FBXO16: variants seen among roughly 807,000 people sequenced by gnomAD.
FBXO16 encodes F-box only protein 16.
Under a neutral mutation model 41.0 loss-of-function variants are expected in FBXO16, and 31 were observed. The observed-to-expected ratio is 0.76, with a 90% CI of 0.57 to 1.02. FBXO16 has a LOEUF of 1.02. FBXO16 is among the 50% of genes least tolerant of loss of function. The probability of loss-of-function intolerance (pLI) is 0.00; values close to 1 mark genes in which losing one functional copy is unlikely to be tolerated. For missense variants in FBXO16, 361 were observed against 346.2 expected (o/e 1.04, Z -0.34); for synonymous variants, 133 against 117.8 (o/e 1.13, Z -0.84).
chr8:28,480,890 G>A (rs1389654116), intron 2 of FBXO16, among the ~76,000 whole-genome samples: 2 of 152,210 alleles, frequency 1.3e-5, no homozygotes, highest in Non-Finnish European at 2.9e-5. Context: ...CTTCATGCAT[G>A]GGAGTTGACT....
chr8:28,432,142 T>C (rs1288384698), intron 7 of FBXO16, among the ~76,000 whole-genome samples: 1 of 151,436 alleles, frequency 6.6e-6, no homozygotes, highest in East Asian at 1.9e-4. Context: ...TGTGTGTGTG[T>C]GTGTGTGTGT....
At chr8:28,483,590 G>A in intron 1 of FBXO16, 128 bp from the exon 2 acceptor site, 3 of 634,088 alleles carry the variant, frequency 4.7e-6, no homozygotes, top group Non-Finnish European at 5.5e-6. Context: ...AGGCTGAGGT[G>A]GGCGGATCAC....
intron 1 of FBXO16, among the ~76,000 whole-genome samples, chr8:28,483,951 T>G (rs1373811403): frequency 6.6e-6 from 1 of 152,232 alleles, no homozygotes; most frequent in African/African-American, 2.4e-5. Context: ...ATACATCTCC[T>G]CAATGGAAGT....
intron 7 of FBXO16, among the ~76,000 whole-genome samples, chr8:28,434,304 G>A (rs1362894760): frequency 6.6e-6 from 1 of 152,134 alleles, no homozygotes; most frequent in Non-Finnish European, 1.5e-5. Context: ...GTTATTTGCA[G>A]ACATCTGCAA....
At chr8:28,458,522 C>CT in intron 4 of FBXO16, among the ~76,000 whole-genome samples, 1 of 146,630 alleles carries the variant, frequency 6.8e-6, no homozygotes, top group Non-Finnish European at 1.5e-5. Context: ...ATTCTCATTC[C>CT]TTTTCTCCTC....
chr8:28,477,390 T>C (rs1803439891), intron 2 of FBXO16, among the ~76,000 whole-genome samples: 1 of 152,204 alleles, frequency 6.6e-6, no homozygotes, highest in South Asian at 2.1e-4. Flanking sequence ...GGCATCTATT[T>C]TTAATTCCTT....
At chr8:28,456,400 G>A (rs1275094653) in intron 5 of FBXO16, among the ~76,000 whole-genome samples, 2 of 152,134 alleles carry the variant, frequency 1.3e-5, no homozygotes, top group Non-Finnish European at 2.9e-5. Context: ...ATTTGAATTA[G>A]TAAAGTAAAA....
At chr8:28,489,854 T>C (rs1170314139) in intron 1 of FBXO16, among the ~76,000 whole-genome samples, 6 of 152,184 alleles carry the variant, frequency 3.9e-5, no homozygotes, top group African/African-American at 9.7e-5. Flanking sequence ...TACCCATACA[T>C]TGTAATATCA....
intron 7 of FBXO16, among the ~76,000 whole-genome samples, chr8:28,432,724 G>A (rs769360678): frequency 6.6e-6 from 1 of 152,040 alleles, no homozygotes; most frequent in South Asian, 2.1e-4. Flanking sequence ...TGGCCATGCC[G>A]TCCATCAGCA....
At chr8:28,473,502 C>T (rs568687666) in intron 3 of FBXO16, among the ~76,000 whole-genome samples, 56 of 152,282 alleles carry the variant, frequency 3.7e-4, no homozygotes, top group African/African-American at 1.3e-3. Flanking sequence ...AATTCATTCT[C>T]CCTCTTCTGC....
At chr8:28,474,060 A>C (rs78913392) in intron 2 of FBXO16, among the ~76,000 whole-genome samples, 1 of 152,050 alleles carries the variant, frequency 6.6e-6, no homozygotes, top group Admixed American at 6.6e-5. Flanking sequence ...TCAGTGGCTC[A>C]CACCTGTAAT....
At chr8:28,449,839 G>A (rs1802924000) in intron 6 of FBXO16, among the ~76,000 whole-genome samples, 1 of 151,886 alleles carries the variant, frequency 6.6e-6, no homozygotes, top group African/African-American at 2.4e-5. Flanking sequence ...GGGCGTGGTG[G>A]TGCGTGCCTG....
At chr8:28,472,385 G>C (rs146084033) in intron 3 of FBXO16, among the ~76,000 whole-genome samples, 1 of 152,162 alleles carries the variant, frequency 6.6e-6, no homozygotes, top group Admixed American at 6.5e-5. Context: ...ACAGTTGTGA[G>C]CCATTGCACC....
intron 7 of FBXO16, among the ~76,000 whole-genome samples, chr8:28,430,698 G>A (rs372692518): frequency 1.8e-4 from 28 of 152,292 alleles, no homozygotes; most frequent in South Asian, 1.0e-3. Context: ...ATGGCCAGGC[G>A]CAGTGGCTCA....
chr8:28,431,951 T>C (rs551055945), intron 7 of FBXO16, among the ~76,000 whole-genome samples: 1 of 151,158 alleles, frequency 6.6e-6, no homozygotes, highest in Non-Finnish European at 1.5e-5. Flanking sequence ...CAGGGTTGTG[T>C]TTTTTTTTCT....
chr8:28,486,760 G>A (rs1803609896), intron 1 of FBXO16, among the ~76,000 whole-genome samples: 2 of 151,884 alleles, frequency 1.3e-5, no homozygotes, highest in African/African-American at 4.8e-5. Flanking sequence ...GAATCGTTTG[G>A]GCCCAGGAGG....
At chr8:28,452,512 T>C (rs758524216) in intron 5 of FBXO16, 36 bp from the exon 6 acceptor site, 3 of 1,595,628 alleles carry the variant, frequency 1.9e-6, no homozygotes, top group Admixed American at 3.4e-5. Flanking sequence ...CTCAAAACAC[T>C]ATAATACGCT....
chr8:28,485,994 T>C (rs538605412), intron 1 of FBXO16, among the ~76,000 whole-genome samples: 46 of 151,386 alleles, frequency 3.0e-4, no homozygotes, highest in African/African-American at 1.1e-3. Flanking sequence ...TAATACCAGC[T>C]ACTCAGGAGG....
intron 3 of FBXO16, chr8:28,465,228 G>A (rs560564138): frequency 6.2e-5 from 10 of 160,474 alleles, no homozygotes; most frequent in South Asian, 1.4e-4. Flanking sequence ...TTTTATTAGC[G>A]ATTCATGAAT....
Sources: gnomAD v4.1 joint callset for allele counts (sites outside exome capture counted in the v4.1 genomes callset) on GRCh38, gnomAD v4.1.1 for gene constraint, MANE v1.5 for transcripts, NCBI Gene and HGNC (gene_info 2026-07-23, HGNC 2026-07-21) for gene names.